The following MARCHF5 variants were observed in gnomAD, a reference collection of about 807,000 sequenced individuals.
The protein encoded by MARCHF5 is membrane associated ring-CH-type finger 5.
Under a neutral mutation model 36.5 loss-of-function variants are expected in MARCHF5, and 5 were observed. The observed-to-expected ratio is 0.14, with a 90% CI of 0.07 to 0.29. The LOEUF (loss-of-function observed/expected upper bound fraction) is 0.29. Among genes scored for constraint, MARCHF5 ranks in the 10% least tolerant of loss-of-function variants. The pLI is 1.00. For missense variants in MARCHF5, 179 were observed against 336.3 expected (o/e 0.53, Z 3.66); for synonymous variants, 103 against 109.9 (o/e 0.94, Z 0.39).
At chr10:92,339,542 C>T (rs138188517) in intron 2 of MARCHF5, among the ~76,000 whole-genome samples, 2,859 of 151,738 alleles carry the variant, frequency 0.019, 34 homozygotes, top group African/African-American at 0.022. Flanking sequence ...TGGTGGCAGA[C>T]GCCTGTAATC....
At position 92,352,671 on chromosome 10, in the gene MARCHF5, A is replaced by G. The variant is rs983984809; in HGVS notation, c.*1464A>G. 2 of 152,522 alleles carry G rather than the reference A, an allele frequency of 1.3e-5. No individual in the cohort carries two copies. Among genetic ancestry groups the G allele is most frequent in the South Asian group, 4.1e-4 (2 of 4,828 alleles). The allele number at this position is 152,522 out of a possible 1,614,324, so 9.4% of individuals were successfully genotyped here. A position where few individuals can be genotyped will look rare whatever the true frequency, so the allele number is the denominator to read the frequency against. ...GATTGAGCTATGTTAGTTTGCAATA[A>G]TATATGTTAACTTTAGTAATTAAAG... On this transcript the variant is annotated 3_prime_UTR_variant, in exon 6 of 6. Transcript: ENST00000358935.
chr10:92,305,569 G>A (rs1380191360), intron 1 of MARCHF5, among the ~76,000 whole-genome samples: 1 of 152,166 alleles, frequency 6.6e-6, no homozygotes, highest in African/African-American at 2.4e-5. Context: ...TCTGGGGCAA[G>A]GCCTAAAGAT....
At chr10:92,327,240 G>A (rs751257524) in intron 2 of MARCHF5, among the ~76,000 whole-genome samples, 1 of 150,098 alleles carries the variant, frequency 6.7e-6, no homozygotes, top group African/African-American at 2.5e-5. Flanking sequence ...AGAGGGCAAG[G>A]TTGCCTAAAC....
chr10:92,298,615 A>C (rs1842975127), intron 1 of MARCHF5, among the ~76,000 whole-genome samples: 1 of 152,186 alleles, frequency 6.6e-6, no homozygotes, highest in African/African-American at 2.4e-5. Flanking sequence ...TCTGTCGCCC[A>C]GGCTGGAGTG....
chr10:92,297,814 G>C (rs1025976310), intron 1 of MARCHF5, among the ~76,000 whole-genome samples: 3 of 151,796 alleles, frequency 2.0e-5, no homozygotes, highest in African/African-American at 7.3e-5. Flanking sequence ...ATCCAGTCTC[G>C]TTTATGACAT....
intron 2 of MARCHF5, among the ~76,000 whole-genome samples, chr10:92,329,199 G>A (rs1465366832): frequency 6.6e-6 from 1 of 152,108 alleles, no homozygotes; most frequent in Non-Finnish European, 1.5e-5. Flanking sequence ...CCTGCCACAG[G>A]TGCTGAATCA....
intron 5 of MARCHF5, 100 bp from the exon 6 acceptor site, chr10:92,350,991 C>T: frequency 3.0e-6 from 2 of 667,754 alleles, no homozygotes; most frequent in Non-Finnish European, 5.2e-6. Flanking sequence ...ATTAGTTTAG[C>T]ATCAAAGCCT....
At chr10:92,343,761 G>T (rs925189008) in intron 3 of MARCHF5, among the ~76,000 whole-genome samples, 1 of 152,104 alleles carries the variant, frequency 6.6e-6, no homozygotes. Flanking sequence ...TAGAGATGGG[G>T]TTTCACCATG....
chr10:92,325,537 A>G (rs939773060), intron 2 of MARCHF5, among the ~76,000 whole-genome samples: 2 of 152,256 alleles, frequency 1.3e-5, no homozygotes, highest in East Asian at 1.9e-4. Context: ...CCATTATAAA[A>G]TATCCTTTTT....
chr10:92,342,950 G>A (rs1319991997), intron 3 of MARCHF5, among the ~76,000 whole-genome samples: 1 of 152,224 alleles, frequency 6.6e-6, no homozygotes, highest in Non-Finnish European at 1.5e-5. Flanking sequence ...GTGAGACAGA[G>A]TATTATGAGA....
chr10:92,324,037 G>T (rs1250679283), intron 2 of MARCHF5, among the ~76,000 whole-genome samples: 1 of 152,198 alleles, frequency 6.6e-6, no homozygotes, highest in African/African-American at 2.4e-5. Flanking sequence ...CAATGGATGG[G>T]AGTTCCTGTT....
chr10:92,321,352 T>C (rs1590656765), intron 2 of MARCHF5, among the ~76,000 whole-genome samples: 1 of 152,130 alleles, frequency 6.6e-6, no homozygotes, highest in East Asian at 1.9e-4. Flanking sequence ...ATGCTGTTTC[T>C]CTGTCTATTG....
rs1036970542 is a variant in MARCHF5 at position 92,291,195 on chromosome 10, A to G, written c.-300A>G. The G allele has an allele frequency of 4.5e-5, 23 of 505,608 alleles. No individual in the cohort carries two copies. The highest frequency in any genetic ancestry group is 6.6e-5 in the Non-Finnish European group (19 of 287,798). The allele number at this position is 505,608 out of a possible 1,614,324, so 31.3% of individuals were successfully genotyped here. ...TCACAAAGGTAGCTCCTCCGCCGGC[A>G]GCAACTCGGCGCCCGCGGTCCATGG... On this transcript the variant is annotated 5_prime_UTR_variant, in exon 1 of 6. Transcript: ENST00000358935.
In MARCHF5 at chr10:92,328,821, A is replaced by ATATATATATATATATATT. The variant is rs372130854; in HGVS notation, c.239-11851_239-11850insATATATATATATATATTT. ...GGTTATTATATATATATATATATAT[A>ATATATATATATATATATT]TTTTTTTTTTTTTTACAGGAATATC... On this transcript the variant is annotated intron_variant, in intron 2 of 5. Transcript: ENST00000358935. Among the ~76,000 whole-genome samples the ATATATATATATATATATT allele has an allele frequency of 2.3e-3, 286 of 122,310 alleles. 4 individuals carry two copies. Among genetic ancestry groups the ATATATATATATATATATT allele is most frequent in the African/African-American group, 8.6e-3 (273 of 31,612 alleles). 80.2% of individuals were successfully genotyped at this position (122,310 alleles called of 152,430 possible).
chr10:92,300,351 G>C (rs1842998521), intron 1 of MARCHF5, among the ~76,000 whole-genome samples: 1 of 151,554 alleles, frequency 6.6e-6, no homozygotes, highest in African/African-American at 2.4e-5. Flanking sequence ...AAAATAGCTG[G>C]GTGTGGTGGC....
intron 1 of MARCHF5, among the ~76,000 whole-genome samples, chr10:92,302,881 A>G (rs1301601525): frequency 6.6e-6 from 1 of 152,210 alleles, no homozygotes; most frequent in Non-Finnish European, 1.5e-5. Flanking sequence ...TTATGGCACC[A>G]TATATAATAC....
intron 1 of MARCHF5, among the ~76,000 whole-genome samples, chr10:92,309,741 A>G (rs1843122684): frequency 6.6e-6 from 1 of 152,098 alleles, no homozygotes; most frequent in African/African-American, 2.4e-5. Context: ...TGGTTGCACA[A>G]CAGTATGAAT....
chr10:92,324,732 TTTC>T (rs541656814), intron 2 of MARCHF5, among the ~76,000 whole-genome samples: 27 of 152,226 alleles, frequency 1.8e-4, no homozygotes, highest in Non-Finnish European at 3.1e-4. Flanking sequence ...TTTCTTGTGA[TTTC>T]TTCTTTGACT....
In MARCHF5 at chr10:92,332,668, A is replaced by G. The variant is rs961621242; in HGVS notation, c.239-8005A>G. The stretch of plus-strand genomic sequence containing the variant: ...CCCAAGTAGCTGGGATTACAGGCGC[A>G]CGCCACCATGCCCAGCTAATTTTTG... On this transcript the variant is annotated intron_variant, in intron 2 of 5. Coordinates refer to ENST00000358935, the MANE Select transcript of MARCHF5 (RefSeq NM_017824.5). 4.6e-5 allele frequency among the ~76,000 whole-genome samples: 7 copies of G among 151,286 alleles called. No homozygotes were observed. In the South Asian group the frequency reaches 8.4e-4, roughly 18 times the overall value.
Sources: gnomAD v4.1 joint callset for allele counts (sites outside exome capture counted in the v4.1 genomes callset) on GRCh38, gnomAD v4.1.1 for gene constraint, MANE v1.5 for transcripts, NCBI Gene and HGNC (gene_info 2026-07-23, HGNC 2026-07-21) for gene names.